Variants in FHIT observed in about 807,000 individuals in gnomAD.
The protein encoded by FHIT is bis(5'-adenosyl)-triphosphatase.
Under a neutral mutation model 17.9 loss-of-function variants are expected in FHIT, and 19 were observed. The observed-to-expected ratio is 1.06, with a 90% CI of 0.74 to 1.56. The LOEUF is 1.56. Ranked by LOEUF, FHIT falls within the 40% of genes most tolerant of loss-of-function variation. The probability of loss-of-function intolerance (pLI) is 0.00; values close to 1 mark genes in which losing one functional copy is unlikely to be tolerated. For missense variants in FHIT, 248 were observed against 189.2 expected, an observed-to-expected ratio of 1.31 and a Z score of -1.82; for synonymous variants, 81 against 69.7, an observed-to-expected ratio of 1.16 and a Z score of -0.81.
At position 60,495,699 on chromosome 3, in the gene FHIT, G is replaced by A. The variant is rs17063325; in HGVS notation, c.103+41161C>T. On this transcript the variant is annotated intron_variant, in intron 5 of 9. Coordinates refer to ENST00000492590, the MANE Select transcript of FHIT (RefSeq NM_002012.4). ...ATGCCATTCCTTTAAAAAATTTCACGGCCTTTTCCCACAGAATTTGACAAG... is the reference window on the plus strand; with the variant it reads ...ATGCCATTCCTTTAAAAAATTTCACAGCCTTTTCCCACAGAATTTGACAAG... 6.2e-3 allele frequency among the ~76,000 whole-genome samples: 946 copies of A among 152,078 alleles called. 13 individuals carry two copies. Among genetic ancestry groups the A allele is most frequent in the Admixed American group, 0.021 (317 of 15,260 alleles).
rs901461447 is a variant in FHIT at position 60,167,212 on chromosome 3, A to G, written c.104-153060T>C. Reference sequence around the variant, plus strand: ...TGGAAATAAAGTGCCATACACAGTCAAGTGTTTTGTGAATGTCACCATCAC... The same window carrying G: ...TGGAAATAAAGTGCCATACACAGTCGAGTGTTTTGTGAATGTCACCATCAC... On this transcript the variant is annotated intron_variant, in intron 5 of 9. Transcript: ENST00000492590. Among the ~76,000 whole-genome samples, 5 of 152,308 alleles carry G rather than the reference A, an allele frequency of 3.3e-5. No homozygotes were observed. The East Asian group carries it at 9.6e-4, about 29-fold the overall frequency.
chr3:60,551,685 G>C (rs2036564689), intron 4 of FHIT, among the ~76,000 whole-genome samples: 1 of 147,214 alleles, frequency 6.8e-6, no homozygotes, highest in South Asian at 2.2e-4. Flanking sequence ...CTGAGCCTGG[G>C]AAGTTGATGC....
At chr3:59,859,956 T>C (rs190349636) in intron 8 of FHIT, among the ~76,000 whole-genome samples, 134 of 152,276 alleles carry the variant, frequency 8.8e-4, no homozygotes, top group African/African-American at 2.9e-3. Flanking sequence ...GCTCTTGTTT[T>C]GGGAAGGTAA....
chr3:60,504,608 T>C (rs1444437308), intron 5 of FHIT, among the ~76,000 whole-genome samples: 4 of 152,116 alleles, frequency 2.6e-5, no homozygotes, highest in African/African-American at 9.7e-5. Flanking sequence ...TCATGAAGCT[T>C]TGAGAGCTTC....
chr3:59,860,424 T>G (rs113670880), intron 8 of FHIT, among the ~76,000 whole-genome samples: 2 of 152,296 alleles, frequency 1.3e-5, no homozygotes, highest in South Asian at 4.1e-4. Context: ...ACAGTTGCCA[T>G]AGGGAATGGA....
intron 2 of FHIT, among the ~76,000 whole-genome samples, chr3:61,102,266 G>T (rs1039665066): frequency 1.3e-5 from 2 of 152,110 alleles, no homozygotes; most frequent in African/African-American, 2.4e-5. Flanking sequence ...TAGCATGAAG[G>T]GCTGTTGAAT....
chr3:60,722,671 G>GA (rs1179832566), intron 4 of FHIT, among the ~76,000 whole-genome samples: 1 of 150,272 alleles, frequency 6.7e-6, no homozygotes, highest in East Asian at 1.9e-4. Context: ...CCTCTTGGGG[G>GA]AAAAATCATA....
At chr3:60,021,312 G>A (rs1700546144) in intron 5 of FHIT, among the ~76,000 whole-genome samples, 1 of 152,170 alleles carries the variant, frequency 6.6e-6, no homozygotes, top group African/African-American at 2.4e-5. Flanking sequence ...CTCCGGTACC[G>A]ATCTGGATGC....
At chr3:59,990,472 T>G (rs900467681) in intron 7 of FHIT, among the ~76,000 whole-genome samples, 1 of 152,050 alleles carries the variant, frequency 6.6e-6, no homozygotes, top group African/African-American at 2.4e-5. Flanking sequence ...GCAGTTGGCA[T>G]TTCAAATCAT....
chr3:60,992,802 C>T (rs1270090532), intron 3 of FHIT, among the ~76,000 whole-genome samples: 3 of 152,180 alleles, frequency 2.0e-5, no homozygotes, highest in Admixed American at 6.5e-5. Context: ...GCTCAAGTAC[C>T]TGTGTGCTCT....
intron 4 of FHIT, among the ~76,000 whole-genome samples, chr3:60,663,063 G>C (rs2040296130): frequency 1.4e-5 from 2 of 145,202 alleles, no homozygotes; most frequent in African/African-American, 5.1e-5. Flanking sequence ...TCTATTTCTG[G>C]GTCCTCTATT....
chr3:59,782,473 A>C (rs1483499041), intron 8 of FHIT, among the ~76,000 whole-genome samples: 1 of 152,198 alleles, frequency 6.6e-6, no homozygotes, highest in Non-Finnish European at 1.5e-5. Context: ...CATGAATCAG[A>C]ACAGGATATC....
intron 4 of FHIT, chr3:60,537,521 TA>T: frequency 2.2e-6 from 2 of 923,632 alleles, no homozygotes; most frequent in Non-Finnish European, 2.6e-6. Context: ...ATCTCCAAAA[TA>T]AAGGAGAAAA....
At chr3:59,883,605 C>G (rs56052110) in intron 8 of FHIT, among the ~76,000 whole-genome samples, 3,993 of 152,322 alleles carry the variant, frequency 0.026, 52 homozygotes, top group South Asian at 0.063. Context: ...TACTATTCAA[C>G]ATGAGATTTG....
chr3:59,756,387 G>C (rs953831936), intron 8 of FHIT, among the ~76,000 whole-genome samples: 3 of 152,062 alleles, frequency 2.0e-5, no homozygotes, highest in Admixed American at 1.3e-4. Context: ...GGTATTAATC[G>C]AGGCTTCTCA....
intron 4 of FHIT, among the ~76,000 whole-genome samples, chr3:60,540,323 A>G (rs2036145530): frequency 6.6e-6 from 1 of 152,198 alleles, no homozygotes; most frequent in Non-Finnish European, 1.5e-5. Flanking sequence ...ATTTCCCTGA[A>G]TTCTTTGAGT....
At chr3:60,701,753 C>G (rs2041252695) in intron 4 of FHIT, among the ~76,000 whole-genome samples, 1 of 152,298 alleles carries the variant, frequency 6.6e-6, no homozygotes, top group African/African-American at 2.4e-5. Context: ...ACCATAATTT[C>G]TAATCTTGTA....
intron 3 of FHIT, among the ~76,000 whole-genome samples, chr3:61,013,163 C>CA (rs772112697): frequency 4.0e-5 from 6 of 151,782 alleles, no homozygotes; most frequent in Non-Finnish European, 8.8e-5. Flanking sequence ...GTTCAGGGAG[C>CA]AAAAAAAGAA....
chr3:60,293,546 A>T (rs1288168180), intron 5 of FHIT, among the ~76,000 whole-genome samples: 1 of 152,148 alleles, frequency 6.6e-6, no homozygotes, highest in Non-Finnish European at 1.5e-5. Flanking sequence ...TACAGATCTG[A>T]AGGTCACCTA....
Sources: gnomAD v4.1 joint callset for allele counts (sites outside exome capture counted in the v4.1 genomes callset) on GRCh38, gnomAD v4.1.1 for gene constraint, MANE v1.5 for transcripts, NCBI Gene and HGNC (gene_info 2026-07-23, HGNC 2026-07-21) for gene names.